SNTB1: variants seen among roughly 807,000 people sequenced by gnomAD.
SNTB1 encodes the protein syntrophin beta 1.
In SNTB1, 36 loss-of-function variants were observed where a neutral mutation model predicts 48.9. The ratio of observed to expected loss-of-function variants is 0.74; its 90% confidence interval spans 0.56 to 0.97. The LOEUF (loss-of-function observed/expected upper bound fraction) is 0.97. Ranked by LOEUF, SNTB1 falls within the 50% of genes least tolerant of loss-of-function variation. The pLI, the probability that SNTB1 is intolerant of heterozygous loss-of-function variation, is 0.00. For synonymous variants in SNTB1, 299 were observed against 294.6 expected (o/e 1.01, Z -0.15); for missense variants, 786 against 703.4 (o/e 1.12, Z -1.33).
chr8:120,771,954 C>G (rs1417651555), intron 1 of SNTB1, among the ~76,000 whole-genome samples: 1 of 152,266 alleles, frequency 6.6e-6, no homozygotes, highest in Non-Finnish European at 1.5e-5. Flanking sequence ...ACAACCACCT[C>G]CACCTCCCGG....
intron 1 of SNTB1, among the ~76,000 whole-genome samples, chr8:120,750,166 T>C (rs1275258443): frequency 2.8e-5 from 4 of 145,170 alleles, no homozygotes; most frequent in Non-Finnish European, 6.1e-5. Flanking sequence ...CTCCCTCCCT[T>C]CCTTCCTTCA....
intron 1 of SNTB1, among the ~76,000 whole-genome samples, chr8:120,775,018 G>T (rs1819707379): frequency 6.6e-6 from 1 of 152,110 alleles, no homozygotes; most frequent in South Asian, 2.1e-4. Context: ...GGCACATTGA[G>T]AAGTACTATC....
chr8:120,642,354 C>T (rs1380127061), intron 2 of SNTB1, among the ~76,000 whole-genome samples: 2 of 152,184 alleles, frequency 1.3e-5, no homozygotes, highest in African/African-American at 4.8e-5. Context: ...TTTAAAAAAT[C>T]ATTCAGTTAA....
At chr8:120,754,909 A>G (rs977970710) in intron 1 of SNTB1, among the ~76,000 whole-genome samples, 1 of 152,214 alleles carries the variant, frequency 6.6e-6, no homozygotes, top group African/African-American at 2.4e-5. Flanking sequence ...GGAAAAGACG[A>G]CAAGCAAGAT....
chr8:120,659,051 C>A (rs1405519484), intron 2 of SNTB1, among the ~76,000 whole-genome samples: 1 of 151,950 alleles, frequency 6.6e-6, no homozygotes, highest in Non-Finnish European at 1.5e-5. Flanking sequence ...GCAACCTCCA[C>A]CCCCTGGGTT....
chr8:120,746,422 TTAAG>T (rs1819126796), intron 1 of SNTB1, among the ~76,000 whole-genome samples: 1 of 152,114 alleles, frequency 6.6e-6, no homozygotes. Context: ...GTATTAGTGG[TTAAG>T]TGAGTACAGA....
intron 1 of SNTB1, among the ~76,000 whole-genome samples, chr8:120,768,353 T>C (rs923844183): frequency 2.6e-5 from 4 of 152,202 alleles, no homozygotes; most frequent in African/African-American, 9.6e-5. Flanking sequence ...CAGAGCTTTA[T>C]AAAGGGGACA....
intron 1 of SNTB1, among the ~76,000 whole-genome samples, chr8:120,780,084 TAAA>T (rs71571678): frequency 1.5e-5 from 2 of 135,354 alleles, no homozygotes. Context: ...ATGATCTAGT[TAAA>T]AAAAAAAAAA....
intron 1 of SNTB1, among the ~76,000 whole-genome samples, chr8:120,762,231 C>A (rs900796496): frequency 6.6e-6 from 1 of 152,196 alleles, no homozygotes; most frequent in African/African-American, 2.4e-5. Context: ...GCATGAGACA[C>A]ACCAGCATTT....
intron 2 of SNTB1, among the ~76,000 whole-genome samples, chr8:120,683,822 A>G (rs761247561): frequency 1.1e-4 from 16 of 152,326 alleles, no homozygotes; most frequent in Admixed American, 2.0e-4. Flanking sequence ...GCACCCAGCA[A>G]TGAGGATATT....
intron 1 of SNTB1, among the ~76,000 whole-genome samples, chr8:120,697,287 A>T (rs944997905): frequency 6.6e-6 from 1 of 152,368 alleles, no homozygotes; most frequent in South Asian, 2.1e-4. Context: ...CATTGGGAGT[A>T]ATATTCTGCA....
chr8:120,688,486 A>C (rs903670815), intron 2 of SNTB1, among the ~76,000 whole-genome samples: 1 of 152,216 alleles, frequency 6.6e-6, no homozygotes, highest in Non-Finnish European at 1.5e-5. Flanking sequence ...CTGGGGTAAT[A>C]AAATAAAAAT....
At position 120,564,084 on chromosome 8, in the gene SNTB1, G is replaced by A. The variant is rs573693015; in HGVS notation, c.1136+11002C>T. On this transcript the variant is annotated intron_variant, in intron 4 of 6. Transcript: ENST00000517992. The stretch of plus-strand genomic sequence containing the variant: ...TATTATGCCATTGCACTCCAACCTG[G>A]GCAATAAGAGCAAAACTCTGTCTCA... 4.0e-5 allele frequency among the ~76,000 whole-genome samples: 6 copies of A among 151,272 alleles called. No homozygotes were observed. The South Asian group carries it at 1.3e-3, about 32-fold the overall frequency.
intron 2 of SNTB1, among the ~76,000 whole-genome samples, chr8:120,643,805 G>A (rs1817236001): frequency 6.6e-6 from 1 of 152,140 alleles, no homozygotes; most frequent in Non-Finnish European, 1.5e-5. Flanking sequence ...TGGATCAAAT[G>A]GTAGTTCTAC....
intron 1 of SNTB1, among the ~76,000 whole-genome samples, chr8:120,713,598 C>T (rs2129925623): frequency 6.6e-6 from 1 of 152,262 alleles, no homozygotes; most frequent in East Asian, 1.9e-4. Context: ...GGCACAGTGG[C>T]ATGTGCCTGT....
chr8:120,612,455 C>T (rs1035475961), intron 3 of SNTB1, among the ~76,000 whole-genome samples: 18 of 152,206 alleles, frequency 1.2e-4, no homozygotes, highest in Non-Finnish European at 2.1e-4. Context: ...TGTTAGGCAT[C>T]GGAATCTCCT....
At chr8:120,554,872 T>G (rs995642764) in intron 4 of SNTB1, among the ~76,000 whole-genome samples, 2 of 152,160 alleles carry the variant, frequency 1.3e-5, no homozygotes, top group Non-Finnish European at 2.9e-5. Flanking sequence ...TAGGATCTTT[T>G]TGGACTCAGG....
chr8:120,575,048 C>T, intron 4 of SNTB1, 38 bp downstream of exon 4: 1 of 1,613,774 alleles, frequency 6.2e-7, no homozygotes, highest in Non-Finnish European at 8.5e-7. Flanking sequence ...TAGAATCCAC[C>T]TGCAAACACA....
At chr8:120,675,222 A>C (rs1268147314) in intron 2 of SNTB1, among the ~76,000 whole-genome samples, 1 of 152,178 alleles carries the variant, frequency 6.6e-6, no homozygotes, top group Non-Finnish European at 1.5e-5. Context: ...GCTCTGTATT[A>C]AGAACTATAT....
Sources: allele counts gnomAD v4.1 joint callset (sites outside exome capture counted in the v4.1 genomes callset), GRCh38; gene constraint gnomAD v4.1.1; transcripts MANE v1.5; gene names NCBI Gene and HGNC (gene_info 2026-07-23, HGNC 2026-07-21).